The following VNN1 variants were observed in gnomAD, a reference collection of about 807,000 sequenced individuals.
VNN1 encodes the protein vanin 1, also known as pantetheinase.
A neutral mutation model predicts 41.9 loss-of-function variants in VNN1; 29 were observed. That is an observed-to-expected ratio of 0.69 (90% CI 0.52 to 0.94). The LOEUF (loss-of-function observed/expected upper bound fraction) is 0.94, where lower values mean the gene tolerates loss of function less well. Ranked by LOEUF, VNN1 falls within the 40% of genes least tolerant of loss-of-function variation. The probability of loss-of-function intolerance (pLI) is 0.00; values close to 1 mark genes in which losing one functional copy is unlikely to be tolerated. For synonymous variants in VNN1, 233 were observed against 224.4 expected, an observed-to-expected ratio of 1.04 and a Z score of -0.34; for missense variants, 637 against 621.1, an observed-to-expected ratio of 1.03 and a Z score of -0.27.
chr6:132,691,088 C>A (rs978600124), intron 5 of VNN1, among the ~76,000 whole-genome samples: 1 of 152,134 alleles, frequency 6.6e-6, no homozygotes, highest in Non-Finnish European at 1.5e-5. Flanking sequence ...TTCAATATTG[C>A]AGAAGCCCAG....
intron 2 of VNN1, among the ~76,000 whole-genome samples, chr6:132,709,353 T>C (rs2300077): frequency 0.5 from 76,197 of 151,918 alleles, 21,862 homozygotes; most frequent in African/African-American, 0.79. Context: ...ACATAATAGG[T>C]ACTCAAAAAA....
At chr6:132,699,161 T>A in intron 2 of VNN1, 1 of 371,122 alleles carries the variant, frequency 2.7e-6, no homozygotes, top group Non-Finnish European at 5.4e-6. Flanking sequence ...TGAATATAGG[T>A]TCACGGTTTC....
intron 2 of VNN1, among the ~76,000 whole-genome samples, chr6:132,708,113 T>C (rs1050785970): frequency 6.6e-6 from 1 of 152,190 alleles, no homozygotes; most frequent in African/African-American, 2.4e-5. Flanking sequence ...ACAAAAACAG[T>C]TGAATAAGTA....
rs1263402989 is a variant in VNN1 at position 132,683,080 on chromosome 6, T to C, written c.*60A>G. The C allele has an allele frequency of 5.4e-6, 8 of 1,491,096 alleles. No homozygotes were observed. Among genetic ancestry groups the C allele is most frequent in the Non-Finnish European group, 7.2e-6 (8 of 1,103,464 alleles). 92.4% of individuals were successfully genotyped at this position (1,491,096 alleles called of 1,614,324 possible). ...GATAATATTAACCCGGACCAATCTT[T>C]CTTTTCTCATCCATCATTTTTTAAA... is the stretch of plus-strand genomic sequence containing the variant. On this transcript the variant is annotated 3_prime_UTR_variant, in exon 7 of 7. Transcript: ENST00000367928.
At chr6:132,709,164 G>T (rs1778559249) in intron 2 of VNN1, among the ~76,000 whole-genome samples, 1 of 151,950 alleles carries the variant, frequency 6.6e-6, no homozygotes. Flanking sequence ...GTAGACAGAT[G>T]AAAGATACCT....
chr6:132,707,239 A>T (rs1778532200), intron 2 of VNN1, among the ~76,000 whole-genome samples: 1 of 151,616 alleles, frequency 6.6e-6, no homozygotes, highest in Non-Finnish European at 1.5e-5. Flanking sequence ...AAAAAAAAAA[A>T]AGCAAATCAA....
chr6:132,712,793 A>T (rs1326580245), intron 1 of VNN1, among the ~76,000 whole-genome samples: 1 of 152,192 alleles, frequency 6.6e-6, no homozygotes, highest in Non-Finnish European at 1.5e-5. Flanking sequence ...TGGACTAAGG[A>T]TGAAAAAGAA....
At chr6:132,697,339 C>T (rs933927892) in intron 2 of VNN1, among the ~76,000 whole-genome samples, 1 of 152,004 alleles carries the variant, frequency 6.6e-6, no homozygotes, top group African/African-American at 2.4e-5. Context: ...CAGTGAGAGA[C>T]TAAATGCAGG....
intron 2 of VNN1, among the ~76,000 whole-genome samples, chr6:132,702,288 G>A (rs1012844914): frequency 5.9e-5 from 9 of 152,180 alleles, no homozygotes; most frequent in African/African-American, 1.9e-4. Context: ...GAGGAATCTA[G>A]GTTGCATGTT....
At chr6:132,685,057 C>T (rs189070215) in intron 5 of VNN1, among the ~76,000 whole-genome samples, 167 of 152,310 alleles carry the variant, frequency 1.1e-3, no homozygotes, top group African/African-American at 3.5e-3. Flanking sequence ...TAAATCATAT[C>T]TTATTGCCTG....
intron 2 of VNN1, among the ~76,000 whole-genome samples, chr6:132,704,417 A>G (rs995926256): frequency 6.6e-6 from 1 of 152,160 alleles, no homozygotes; most frequent in Non-Finnish European, 1.5e-5. Flanking sequence ...AATTTTGAAA[A>G]CTATACAAAC....
At chr6:132,699,207 AGTT>A in intron 2 of VNN1, 1 of 348,876 alleles carries the variant, frequency 2.9e-6, no homozygotes, top group Non-Finnish European at 5.7e-6. Flanking sequence ...GCATTGGAGA[AGTT>A]GTAATGTAAA....
chr6:132,693,212 T>A lies in VNN1; in HGVS notation c.638A>T (p.Asp213Val), dbSNP rs1314028911. The A allele has an allele frequency of 6.2e-7, 1 of 1,613,948 alleles. No individual in the cohort carries two copies. The highest frequency in any genetic ancestry group is 1.3e-5 in the African/African-American group (1 of 74,904). The change falls in exon 4 of 7, where the codon GAT becomes GTT. Residue 213 changes from aspartate (D) to valine (V), a missense_variant. Physicochemically the swap from Asp to Val is radical, Grantham distance 152. Coordinates refer to ENST00000367928, the MANE Select transcript of VNN1 (RefSeq NM_004666.3). ...FGSFGIFTCF[D>V]ILFHDPAVTL... is the part of the protein sequence containing the mutation. ...AACAGCAGGATCATGGAAGAGTATA[T>A]CAAAGCATGTGAAAATGCCAAAACT...
intron 4 of VNN1, 112 bp from the exon 5 acceptor site, chr6:132,692,696 TG>T: frequency 2.2e-6 from 3 of 1,347,740 alleles, no homozygotes; most frequent in Non-Finnish European, 2.9e-6. Context: ...CTAAGTTATA[TG>T]TTTTATTAAT....
At chr6:132,701,867 T>G (rs1778453255) in intron 2 of VNN1, among the ~76,000 whole-genome samples, 1 of 152,236 alleles carries the variant, frequency 6.6e-6, no homozygotes, top group Admixed American at 6.5e-5. Flanking sequence ...ACAGTGATTG[T>G]GGGACTTTAC....
rs143130642 is a variant in VNN1, at chr6:132,693,389, G to A, written c.535-74C>T. 12 of 1,404,470 alleles carry A rather than the reference G, an allele frequency of 8.5e-6. No homozygotes were observed. In the South Asian group the frequency reaches 1.8e-4, roughly 21 times the overall value. The allele number at this position is 1,404,470 out of a possible 1,614,324, so 87.0% of individuals were successfully genotyped here. On this transcript the variant is annotated intron_variant, in intron 3 of 6. Transcript: ENST00000367928. ...TCTGGACATCACAGTGTGGGAAAAA[G>A]TACAAGCTCACATCTTAGTGCCAAT...
chr6:132,707,487 G>T (rs1460765159), intron 2 of VNN1, among the ~76,000 whole-genome samples: 2 of 152,122 alleles, frequency 1.3e-5, no homozygotes, highest in Admixed American at 1.3e-4. Context: ...AAAGATATCT[G>T]CACTTTCATG....
chr6:132,713,084 G>C lies in VNN1; in HGVS notation c.210+742C>G, dbSNP rs767377591. Among the ~76,000 whole-genome samples, 53 of 152,266 alleles carry C rather than the reference G, an allele frequency of 3.5e-4. 1 individual carries two copies. Among genetic ancestry groups the C allele is most frequent in the Admixed American group, 7.2e-4 (11 of 15,296 alleles). On this transcript the variant is annotated intron_variant, in intron 1 of 6. Coordinates refer to ENST00000367928, the MANE Select transcript of VNN1 (RefSeq NM_004666.3). Reference sequence around the variant, plus strand: ...CGGGAAGTCAAGGCTGCAGTGAGACGTGATCACACCACTATACTCCATCCT... The same window carrying C: ...CGGGAAGTCAAGGCTGCAGTGAGACCTGATCACACCACTATACTCCATCCT...
chr6:132,709,038 T>TGTGGG (rs1403938092), intron 2 of VNN1, among the ~76,000 whole-genome samples: 2 of 152,164 alleles, frequency 1.3e-5, no homozygotes, highest in African/African-American at 4.8e-5. Context: ...TGCTGAAATC[T>TGTGGG]CACTGTGATG....
Sources: allele counts gnomAD v4.1 joint callset (sites outside exome capture counted in the v4.1 genomes callset), GRCh38; gene constraint gnomAD v4.1.1; transcripts MANE v1.5; gene names NCBI Gene and HGNC (gene_info 2026-07-23, HGNC 2026-07-21).